Variants in SETX observed in about 807,000 individuals in gnomAD.
SETX encodes senataxin.
Under a neutral mutation model 227.2 loss-of-function variants are expected in SETX, and 90 were observed. That is an observed-to-expected ratio of 0.40 (90% CI 0.33 to 0.47). The LOEUF is 0.47. Among genes scored for constraint, SETX ranks in the 20% least tolerant of loss-of-function variants. SETX has a pLI of 0.91. For synonymous variants in SETX, 1,210 were observed against 1,113.2 expected (o/e 1.09, Z -1.73); for missense variants, 3,052 against 3,181.5 (o/e 0.96, Z 0.98).
Position 132,277,047 on chromosome 9 carries a change from G to A in SETX, c.6935+13C>T, listed in dbSNP as rs749772851. The A allele has an allele frequency of 2.4e-5, 38 of 1,606,804 alleles. No individual in the cohort carries two copies. The highest frequency in any genetic ancestry group is 3.2e-5 in the Non-Finnish European group (37 of 1,173,744). On this transcript the variant is annotated intron_variant, in intron 22 of 25. Transcript: ENST00000224140. ...TGGGACTATCAGAGGACTGAGGCAA[G>A]AGGAAAACATACTCATTATCCCGTC...
intron 11 of SETX, among the ~76,000 whole-genome samples, chr9:132,302,228 G>T (rs540111142): frequency 1.2e-4 from 18 of 151,850 alleles, no homozygotes; most frequent in African/African-American, 4.1e-4. Context: ...ATGGTGGCAG[G>T]CATCTGTAGT....
At chr9:132,284,819 A>G (rs943526676) in intron 18 of SETX, among the ~76,000 whole-genome samples, 3 of 152,006 alleles carry the variant, frequency 2.0e-5, no homozygotes, top group African/African-American at 7.2e-5. Flanking sequence ...CCCTCATCCT[A>G]AAGCTCATAC....
intron 11 of SETX, among the ~76,000 whole-genome samples, chr9:132,309,215 T>C (rs1480044577): frequency 6.6e-6 from 1 of 152,086 alleles, no homozygotes; most frequent in East Asian, 1.9e-4. Flanking sequence ...TAAAGCTAGA[T>C]TAAGTAAACA....
intron 11 of SETX, 58 bp from the exon 12 acceptor site, chr9:132,300,861 G>A: frequency 6.9e-7 from 1 of 1,458,886 alleles, no homozygotes; most frequent in Non-Finnish European, 9.3e-7. Flanking sequence ...TTTTAAATAA[G>A]ATTAACTTAA....
intron 7 of SETX, among the ~76,000 whole-genome samples, chr9:132,331,654 A>C (rs1283988147): frequency 6.6e-6 from 1 of 151,606 alleles, no homozygotes; most frequent in Non-Finnish European, 1.5e-5. Context: ...TTTTGCAAGC[A>C]ATACTATGAT....
Position 132,295,887 on chromosome 9 carries a change from T to G in SETX, c.6091A>C (p.Lys2031Gln). The change falls in exon 15 of 26, where the codon AAG becomes CAG. Residue 2031 changes from lysine (K) to glutamine (Q), a missense_variant. By Grantham distance (53) the Lys-to-Gln change is moderately conservative. This residue lies in a region of SETX where 412 missense variants were observed against 589.0 expected (regional missense o/e 0.70). Coordinates refer to ENST00000224140, the MANE Select transcript of SETX (RefSeq NM_015046.7). Reference protein sequence around the residue: ...ILEFKEKCKDKKNPLGNCGDI... With the variant: ...ILEFKEKCKDQKNPLGNCGDI... ...AGTATCATACCTAAAGGATTCTTCTTGTCTTTACATTTTTCTTTGAATTCA... is the reference window on the plus strand; with the variant it reads ...AGTATCATACCTAAAGGATTCTTCTGGTCTTTACATTTTTCTTTGAATTCA... 1 of 1,613,702 alleles carries G rather than the reference T, an allele frequency of 6.2e-7. No individual in the cohort carries two copies.
In SETX at chr9:132,328,020, A is replaced by G; in HGVS notation, c.3578T>C (p.Leu1193Pro). 1 of 1,614,014 alleles carries G rather than the reference A, an allele frequency of 6.2e-7. No homozygotes were observed. Among genetic ancestry groups the G allele is most frequent in the Non-Finnish European group, 8.5e-7 (1 of 1,179,972 alleles). Residue 1193 changes from leucine (L) to proline (P), a missense_variant, in exon 10 of 26, where the codon CTT becomes CCT. Physicochemically the swap from Leu to Pro is moderately conservative, Grantham distance 98. Coordinates refer to ENST00000224140, the MANE Select transcript of SETX (RefSeq NM_015046.7). ...EGQSDTNKRDLVGNDFKSIDR... is the reference protein window; with the variant it reads ...EGQSDTNKRDPVGNDFKSIDR... ...AATACTTTTAAAATCATTTCCCACAAGATCTCTCTTATTAGTATCAGACTG... is the reference window on the plus strand; with the variant it reads ...AATACTTTTAAAATCATTTCCCACAGGATCTCTCTTATTAGTATCAGACTG...
chr9:132,305,029 A>G (rs963181625), intron 11 of SETX, among the ~76,000 whole-genome samples: 5 of 150,774 alleles, frequency 3.3e-5, no homozygotes, highest in Non-Finnish European at 7.4e-5. Flanking sequence ...TGAATTAAAC[A>G]TATTAGCTAC....
chr9:132,316,779 C>G (rs1043534706), intron 10 of SETX, among the ~76,000 whole-genome samples: 1 of 152,186 alleles, frequency 6.6e-6, no homozygotes, highest in Admixed American at 6.5e-5. Flanking sequence ...ACTGTTTCTC[C>G]GGGTATCCGC....
intron 11 of SETX, among the ~76,000 whole-genome samples, chr9:132,308,210 G>T (rs912145660): frequency 2.6e-5 from 4 of 152,116 alleles, no homozygotes; most frequent in African/African-American, 9.7e-5. Context: ...CAGATACCAC[G>T]TACCTGCTGC....
Position 132,329,171 on chromosome 9 carries a change from G to C in SETX, c.2427C>G (p.Ile809Met), listed in dbSNP as rs765654690. 2.3e-5 allele frequency: 37 copies of C among 1,612,442 alleles called. No homozygotes were observed. Among genetic ancestry groups the C allele is most frequent in the Non-Finnish European group, 3.1e-5 (37 of 1,179,778 alleles). ...ATACAGTCAAATTTTCATCTAAATT[G>C]ATAGTATTATCGACCAAAGTACTCT... ...HRKSTLVDNT[I>M]NLDENLTVSN... Residue 809 changes from isoleucine to methionine, a missense_variant, in exon 10 of 26, where the codon ATC becomes ATG. Transcript: ENST00000224140.
intron 7 of SETX, 37 bp downstream of exon 7, chr9:132,334,568 TCAC>T (rs1483358636): frequency 1.2e-6 from 2 of 1,609,994 alleles, no homozygotes; most frequent in East Asian, 4.5e-5. Flanking sequence ...TGCATCATCA[TCAC>T]TATATTCAAC....
chr9:132,323,062 G>A (rs1233418281), intron 10 of SETX, among the ~76,000 whole-genome samples: 1 of 152,098 alleles, frequency 6.6e-6, no homozygotes, highest in Non-Finnish European at 1.5e-5. Context: ...TCTAAGACAT[G>A]CAAGATTTCA....
chr9:132,313,024 C>G (rs907980486), intron 10 of SETX, among the ~76,000 whole-genome samples: 1 of 152,058 alleles, frequency 6.6e-6, no homozygotes, highest in Admixed American at 6.6e-5. Context: ...CATGACATTT[C>G]CAGAAGAGGC....
chr9:132,327,181 G>A lies in SETX; in HGVS notation c.4417C>T (p.Arg1473Cys), dbSNP rs781185115. The stretch of plus-strand genomic sequence containing the variant: ...TTCAAAGCTGCCATCTCTATATGAC[G>A]TGCTGTTGGATCACCTCCACCCAGA... ...DPLGGGDPTARHIEMAALKEG... is the reference protein window; with the variant it reads ...DPLGGGDPTACHIEMAALKEG... Residue 1473 changes from arginine to cysteine, a missense_variant, in exon 10 of 26, where the codon CGT becomes TGT. Arg to Cys is a radical substitution (Grantham distance 180). Around this residue, in one of 10 missense-constraint regions of SETX, gnomAD observed 1,483 missense variants for 1,312.0 expected, o/e 1.13. Coordinates refer to ENST00000224140, the MANE Select transcript of SETX (RefSeq NM_015046.7). The A allele has an allele frequency of 3.3e-5, 54 of 1,613,994 alleles. No individual in the cohort carries two copies. The highest frequency in any genetic ancestry group is 1.4e-4 in the South Asian group (13 of 91,088).
At chr9:132,299,622 A>C (rs1844868328) in intron 12 of SETX, among the ~76,000 whole-genome samples, 1 of 152,254 alleles carries the variant, frequency 6.6e-6, no homozygotes, top group African/African-American at 2.4e-5. Flanking sequence ...TCACATAACT[A>C]AGACTAAAAA....
At chr9:132,317,471 A>G (rs1213537969) in intron 10 of SETX, among the ~76,000 whole-genome samples, 2 of 152,180 alleles carry the variant, frequency 1.3e-5, no homozygotes, top group East Asian at 3.8e-4. Flanking sequence ...TATTATATAC[A>G]TACATGTTCA....
At chr9:132,350,804 ACTT>A (rs1425678656) in intron 2 of SETX, among the ~76,000 whole-genome samples, 1 of 152,218 alleles carries the variant, frequency 6.6e-6, no homozygotes, top group Non-Finnish European at 1.5e-5. Flanking sequence ...CAAAATCAAA[ACTT>A]CTTTAGAAGA....
At chr9:132,338,684 C>T (rs981274045) in intron 5 of SETX, among the ~76,000 whole-genome samples, 3 of 152,176 alleles carry the variant, frequency 2.0e-5, no homozygotes, top group African/African-American at 7.2e-5. Flanking sequence ...GGTAGTTCCT[C>T]TTCTGTTCTG....
Sources: gnomAD v4.1 joint callset for allele counts (sites outside exome capture counted in the v4.1 genomes callset) on GRCh38, gnomAD v4.1.1 for gene constraint, gnomAD v4.1.1 regional missense constraint, MANE v1.5 for transcripts, NCBI Gene and HGNC (gene_info 2026-07-23, HGNC 2026-07-21) for gene names.